CNTN4: variants seen among roughly 807,000 people sequenced by gnomAD.
The protein encoded by CNTN4 is contactin-4.
CNTN4 carries 77 observed loss-of-function variants against 122.5 expected under a neutral mutation model. That is an observed-to-expected ratio of 0.63 (90% confidence interval 0.52 to 0.76). The LOEUF is 0.76. Among genes scored for constraint, CNTN4 ranks in the 30% least tolerant of loss-of-function variants. The probability of loss-of-function intolerance (pLI) is 0.00; values close to 1 mark genes in which losing one functional copy is unlikely to be tolerated. For synonymous variants in CNTN4, 512 were observed against 447.0 expected (o/e 1.15, Z -1.83); for missense variants, 1,256 against 1,259.1 (o/e 1.00, Z 0.04).
chr3:2,381,580 A>T (rs943001911), intron 3 of CNTN4, among the ~76,000 whole-genome samples: 1 of 152,180 alleles, frequency 6.6e-6, no homozygotes, highest in Non-Finnish European at 1.5e-5. Flanking sequence ...GCTTAGGAGA[A>T]TATCTGGCAC....
At chr3:2,731,293 T>A (rs999914919) in intron 4 of CNTN4, among the ~76,000 whole-genome samples, 3 of 152,158 alleles carry the variant, frequency 2.0e-5, no homozygotes, top group Non-Finnish European at 4.4e-5. Flanking sequence ...TTCAGCCTAG[T>A]CTTCTCCCTT....
chr3:2,346,835 C>A (rs1617890), intron 3 of CNTN4, among the ~76,000 whole-genome samples: 43,702 of 151,772 alleles, frequency 0.29, 6,813 homozygotes, highest in Admixed American at 0.38. Flanking sequence ...TTTTCTCTTA[C>A]GCTATTCTGT....
chr3:2,919,304 A>T (rs2094402717), intron 12 of CNTN4, among the ~76,000 whole-genome samples: 1 of 147,728 alleles, frequency 6.8e-6, no homozygotes, highest in East Asian at 2.1e-4. Flanking sequence ...GTGAGCCAAG[A>T]TTGCACCACT....
Position 2,688,243 on chromosome 3 carries a change from A to G in CNTN4, c.56-47972A>G, listed in dbSNP as rs115499649. Reference sequence around the variant, plus strand: ...TTTCTACCTATTGAGAGAAATAGCTATTTTTTCAGTATTTTCCTTTGGACC... The same window carrying G: ...TTTCTACCTATTGAGAGAAATAGCTGTTTTTTCAGTATTTTCCTTTGGACC... On this transcript the variant is annotated intron_variant, in intron 4 of 24. Coordinates refer to ENST00000418658, the MANE Select transcript of CNTN4 (RefSeq NM_175607.3). 2.7e-3 allele frequency among the ~76,000 whole-genome samples: 408 copies of G among 152,240 alleles called. 1 individual carries two copies. Among genetic ancestry groups the G allele is most frequent in the African/African-American group, 9.2e-3 (381 of 41,566 alleles).
intron 10 of CNTN4, among the ~76,000 whole-genome samples, chr3:2,894,933 A>G (rs1185412924): frequency 3.5e-4 from 53 of 152,332 alleles, no homozygotes; most frequent in Admixed American, 3.5e-3. Context: ...TTCAATGGGC[A>G]TAGTTGGACA....
intron 4 of CNTN4, among the ~76,000 whole-genome samples, chr3:2,574,073 A>C (rs536967491): frequency 6.6e-6 from 1 of 152,118 alleles, no homozygotes; most frequent in Non-Finnish European, 1.5e-5. Context: ...AAAATTAGCA[A>C]GGCATGGTGG....
intron 4 of CNTN4, among the ~76,000 whole-genome samples, chr3:2,662,400 T>A (rs2083940670): frequency 6.6e-6 from 1 of 152,198 alleles, no homozygotes; most frequent in African/African-American, 2.4e-5. Context: ...TGTGTGACTT[T>A]CCAGATGTCT....
chr3:2,572,425 T>C (rs1053902255), intron 4 of CNTN4, among the ~76,000 whole-genome samples: 1 of 152,072 alleles, frequency 6.6e-6, no homozygotes, highest in African/African-American at 2.4e-5. Context: ...ACTTCACACA[T>C]ACTCTCTATT....
chr3:2,984,513 G>A (rs973532616), intron 13 of CNTN4, among the ~76,000 whole-genome samples: 3 of 152,164 alleles, frequency 2.0e-5, no homozygotes, highest in East Asian at 1.9e-4. Context: ...CCAAAATGTC[G>A]TCAGTGCCAA....
At chr3:2,400,429 A>ATATATATATG (rs1491538139) in intron 3 of CNTN4, among the ~76,000 whole-genome samples, 1 of 11,956 alleles carries the variant, frequency 8.4e-5, no homozygotes, top group African/African-American at 6.5e-4. Context: ...ATATATATAC[A>ATATATATATG]TATATATATA....
At chr3:2,178,759 G>C (rs1333494103) in intron 2 of CNTN4, among the ~76,000 whole-genome samples, 1 of 151,922 alleles carries the variant, frequency 6.6e-6, no homozygotes, top group African/African-American at 2.4e-5. Context: ...TAGGTATTCT[G>C]TTATCATCTA....
At chr3:2,327,561 G>A (rs1025547737) in intron 2 of CNTN4, among the ~76,000 whole-genome samples, 8 of 152,060 alleles carry the variant, frequency 5.3e-5, no homozygotes, top group Non-Finnish European at 1.0e-4. Context: ...TGTTTTACAT[G>A]TATTTCCTTT....
At chr3:2,719,777 A>G (rs2087727166) in intron 4 of CNTN4, among the ~76,000 whole-genome samples, 1 of 152,150 alleles carries the variant, frequency 6.6e-6, no homozygotes, top group Non-Finnish European at 1.5e-5. Context: ...AAAATTCAAA[A>G]ATTGACTTTC....
intron 3 of CNTN4, among the ~76,000 whole-genome samples, chr3:2,546,014 T>TAA (rs781048433): frequency 1.8e-4 from 27 of 151,940 alleles, no homozygotes; most frequent in Non-Finnish European, 2.6e-4. Flanking sequence ...AGTCAAAAAA[T>TAA]AACAGATGCT....
chr3:2,124,918 C>T (rs952859879), intron 2 of CNTN4, among the ~76,000 whole-genome samples: 3 of 152,154 alleles, frequency 2.0e-5, no homozygotes, highest in Non-Finnish European at 4.4e-5. Context: ...TATCTATTAT[C>T]TCCAGAAGTT....
intron 14 of CNTN4, among the ~76,000 whole-genome samples, chr3:3,016,087 C>T (rs10510249): frequency 0.078 from 11,869 of 152,058 alleles, 554 homozygotes; most frequent in Middle Eastern, 0.18. Context: ...AATGTTTCTC[C>T]GTGGGTAAAA....
intron 6 of CNTN4, among the ~76,000 whole-genome samples, chr3:2,754,418 A>G (rs958977272): frequency 6.6e-6 from 1 of 152,168 alleles, no homozygotes; most frequent in African/African-American, 2.4e-5. Context: ...TGCTGTAGGG[A>G]AACTGGCATT....
At position 2,780,102 on chromosome 3, in the gene CNTN4, C is replaced by A. The variant is rs138554618; in HGVS notation, c.358+34405C>A. On this transcript the variant is annotated intron_variant, in intron 6 of 24. Transcript: ENST00000418658. Reference sequence around the variant, plus strand: ...AAAGAGAAAAAGTTAGTGTGTATATCTGATGTGTACTCTGACCCAACAGAT... The same window carrying A: ...AAAGAGAAAAAGTTAGTGTGTATATATGATGTGTACTCTGACCCAACAGAT... Among the ~76,000 whole-genome samples, 94 of 152,298 alleles carry A rather than the reference C, an allele frequency of 6.2e-4. 1 individual carries two copies. Among genetic ancestry groups the A allele is most frequent in the African/African-American group, 2.0e-3 (84 of 41,562 alleles).
At chr3:3,037,725 G>T in intron 18 of CNTN4, 1 of 294,444 alleles carries the variant, frequency 3.4e-6, no homozygotes, top group Non-Finnish European at 6.6e-6. Flanking sequence ...CAGCCACCAT[G>T]GGGTAATCCT....
Sources: allele counts gnomAD v4.1 joint callset (sites outside exome capture counted in the v4.1 genomes callset), GRCh38; gene constraint gnomAD v4.1.1; transcripts MANE v1.5; gene names NCBI Gene and HGNC (gene_info 2026-07-23, HGNC 2026-07-21).